Variants in ITGA4 observed in about 807,000 individuals in gnomAD.
ITGA4 encodes the protein integrin alpha-4.
ITGA4 carries 63 observed loss-of-function variants against 133.6 expected under a neutral mutation model. The observed-to-expected ratio is 0.47, with a 90% CI of 0.38 to 0.58. The LOEUF (loss-of-function observed/expected upper bound fraction) is 0.58, where lower values mean the gene tolerates loss of function less well. Ranked by LOEUF, ITGA4 falls within the 20% of genes least tolerant of loss-of-function variation. The pLI, the probability that ITGA4 is intolerant of heterozygous loss-of-function variation, is 0.00. For synonymous variants in ITGA4, 483 were observed against 438.0 expected, an observed-to-expected ratio of 1.10 and a Z score of -1.28; for missense variants, 1,076 against 1,252.7, an observed-to-expected ratio of 0.86 and a Z score of 2.13.
intron 15 of ITGA4, among the ~76,000 whole-genome samples, chr2:181,500,244 G>A (rs899184921): frequency 3.3e-5 from 5 of 152,206 alleles, no homozygotes; most frequent in Non-Finnish European, 7.4e-5. Context: ...CTCGTATATA[G>A]AAAGGCAAAA....
At chr2:181,470,450 C>T (rs1220892700) in intron 2 of ITGA4, among the ~76,000 whole-genome samples, 1 of 152,086 alleles carries the variant, frequency 6.6e-6, no homozygotes, top group South Asian at 2.1e-4. Flanking sequence ...CTACAACTAC[C>T]TGGGGGGCTT....
chr2:181,464,946 C>T (rs1300084338), intron 2 of ITGA4, among the ~76,000 whole-genome samples: 1 of 152,084 alleles, frequency 6.6e-6, no homozygotes. Context: ...TTTTAAAAAT[C>T]ATAGAAAATC....
At chr2:181,507,175 T>C (rs529248346) in intron 15 of ITGA4, among the ~76,000 whole-genome samples, 41 of 152,258 alleles carry the variant, frequency 2.7e-4, no homozygotes, top group African/African-American at 8.9e-4. Flanking sequence ...ACAATTCTAA[T>C]ACCAAGAAAA....
At chr2:181,485,403 A>AT (rs5836791) in intron 9 of ITGA4, among the ~76,000 whole-genome samples, 87,244 of 148,706 alleles carry the variant, frequency 0.59, 25,375 homozygotes, top group Admixed American at 0.64. Context: ...TTATAATTAG[A>AT]TTTTTTTTTT....
At chr2:181,533,849 G>A (rs1343312979) in intron 25 of ITGA4, among the ~76,000 whole-genome samples, 2 of 152,108 alleles carry the variant, frequency 1.3e-5, no homozygotes, top group East Asian at 1.9e-4. Context: ...CATGGATTCT[G>A]CGTTATAAAA....
chr2:181,493,858 C>A (rs1686106398), intron 11 of ITGA4, among the ~76,000 whole-genome samples: 1 of 152,058 alleles, frequency 6.6e-6, no homozygotes, highest in African/African-American at 2.4e-5. Flanking sequence ...GATGATAGCA[C>A]TTTAATAATG....
At chr2:181,533,600 T>C (rs1686991564) in intron 25 of ITGA4, among the ~76,000 whole-genome samples, 1 of 152,188 alleles carries the variant, frequency 6.6e-6, no homozygotes, top group Non-Finnish European at 1.5e-5. Context: ...TAGACATTCC[T>C]GACTGTCCCT....
intron 2 of ITGA4, among the ~76,000 whole-genome samples, chr2:181,460,657 A>T (rs1685254190): frequency 6.6e-6 from 1 of 151,280 alleles, no homozygotes; most frequent in Non-Finnish European, 1.5e-5. Flanking sequence ...GGGTGACTCT[A>T]ATGTTTCAAA....
chr2:181,525,426 A>T, intron 21 of ITGA4, 135 bp downstream of exon 21: 1 of 563,912 alleles, frequency 1.8e-6, no homozygotes, highest in Non-Finnish European at 3.1e-6. Flanking sequence ...TAATTACCTC[A>T]TTGTTATAGT....
rs745388020 is a variant in ITGA4, at chr2:181,457,697, G to A, written c.43G>A (p.Ala15Thr). 3.1e-6 allele frequency: 5 copies of A among 1,611,620 alleles called. No homozygotes were observed. Among genetic ancestry groups the A allele is most frequent in the Admixed American group, 1.7e-5 (1 of 59,862 alleles). The change falls in exon 1 of 28, where the codon GCC becomes ACC. Residue 15 changes from alanine to threonine, a missense_variant. Transcript: ENST00000397033. ...GCGCGAACCCGGCCCCCGAAGGGCC[G>A]CCGTCCGGGAGACGGTGATGCTGTT... is the stretch of plus-strand genomic sequence containing the variant. The part of the protein sequence containing the change: ...ARREPGPRRA[A>T]VRETVMLLLC...
chr2:181,461,241 C>T (rs997960013), intron 2 of ITGA4, among the ~76,000 whole-genome samples: 10 of 148,408 alleles, frequency 6.7e-5, no homozygotes, highest in African/African-American at 1.0e-4. Flanking sequence ...GCATGAGATA[C>T]CCCTTTTAGT....
At chr2:181,526,998 A>AT (rs564912064) in intron 21 of ITGA4, among the ~76,000 whole-genome samples, 182 of 149,754 alleles carry the variant, frequency 1.2e-3, no homozygotes, top group Non-Finnish European at 1.7e-3. Flanking sequence ...CGCCCAGCTA[A>AT]TTTTTTTTTG....
At chr2:181,526,136 C>T (rs573569461) in intron 21 of ITGA4, among the ~76,000 whole-genome samples, 76 of 152,166 alleles carry the variant, frequency 5.0e-4, no homozygotes, top group South Asian at 4.4e-3. Flanking sequence ...ATAAAGCAAA[C>T]GGGTGAAAAA....
rs1467351543 is a variant in ITGA4, at chr2:181,526,494, A to G, written c.2340-803A>G. 3.3e-5 allele frequency among the ~76,000 whole-genome samples: 5 copies of G among 152,292 alleles called. No homozygotes were observed. The East Asian group carries it at 9.7e-4, about 29-fold the overall frequency. On this transcript the variant is annotated intron_variant, in intron 21 of 27. Transcript: ENST00000397033. The stretch of plus-strand genomic sequence containing the variant: ...GTCAAATCACAGGCCTTTAAAAGAG[A>G]GTGACAGCCTTGTATTGTAACAAAA...
intron 15 of ITGA4, among the ~76,000 whole-genome samples, chr2:181,499,117 C>T (rs1007400912): frequency 3.9e-5 from 6 of 152,182 alleles, no homozygotes; most frequent in Non-Finnish European, 5.9e-5. Flanking sequence ...AAATCTATTC[C>T]GTGGTACGTT....
chr2:181,471,889 CAAG>C (rs1403932786), intron 2 of ITGA4, among the ~76,000 whole-genome samples: 8 of 152,064 alleles, frequency 5.3e-5, no homozygotes, highest in African/African-American at 2.4e-5. Flanking sequence ...TAGCCTAGAA[CAAG>C]AAGAAGGGAA....
In ITGA4 at chr2:181,482,447, C is replaced by T. The variant is rs559067121; in HGVS notation, c.903+25C>T. On this transcript the variant is annotated intron_variant, in intron 8 of 27. Transcript: ENST00000397033. ...GGTAATATGTCTCTACCTTTAGTAT[C>T]TCTGTGGGCTTTTGCGAGTAACCCT... The T allele has an allele frequency of 5.0e-6, 8 of 1,613,384 alleles. No homozygotes were observed. The African/African-American group carries it at 9.3e-5, about 19-fold the overall frequency.
intron 17 of ITGA4, among the ~76,000 whole-genome samples, chr2:181,521,224 T>C (rs981455031): frequency 6.6e-6 from 1 of 152,136 alleles, no homozygotes; most frequent in African/African-American, 2.4e-5. Flanking sequence ...GGAAAGTTTA[T>C]AAAATGACAT....
intron 17 of ITGA4, among the ~76,000 whole-genome samples, chr2:181,513,754 C>T (rs1686552325): frequency 1.3e-5 from 2 of 152,138 alleles, no homozygotes; most frequent in African/African-American, 4.8e-5. Flanking sequence ...TCCTGAACCT[C>T]TGTATCTTCT....
Sources: gnomAD v4.1 joint callset for allele counts (sites outside exome capture counted in the v4.1 genomes callset) on GRCh38, gnomAD v4.1.1 for gene constraint, MANE v1.5 for transcripts, NCBI Gene and HGNC (gene_info 2026-07-23, HGNC 2026-07-21) for gene names.